Variants in FUT9 observed in about 807,000 individuals in gnomAD.
FUT9 encodes the protein fucosyltransferase 9, also known as 4-galactosyl-N-acetylglucosaminide 3-alpha-L-fucosyltransferase 9.
A neutral mutation model predicts 29.7 loss-of-function variants in FUT9; 15 were observed. The observed-to-expected ratio is 0.51, with a 90% confidence interval of 0.34 to 0.78. FUT9 has a LOEUF of 0.78. Ranked by LOEUF, FUT9 falls within the 30% of genes least tolerant of loss-of-function variation. FUT9 has a pLI of 0.01. For missense variants in FUT9, 319 were observed against 425.4 expected, an observed-to-expected ratio of 0.75 and a Z score of 2.20; for synonymous variants, 169 against 153.7, an observed-to-expected ratio of 1.10 and a Z score of -0.74.
intron 2 of FUT9, among the ~76,000 whole-genome samples, chr6:96,182,471 G>C (rs761033378): frequency 2.0e-5 from 3 of 151,884 alleles, no homozygotes; most frequent in Non-Finnish European, 4.4e-5. Context: ...TTTGCTTTTG[G>C]GTTCTCGGTC....
At chr6:96,043,040 T>G (rs1321609426) in intron 1 of FUT9, among the ~76,000 whole-genome samples, 2 of 152,198 alleles carry the variant, frequency 1.3e-5, no homozygotes, top group Non-Finnish European at 2.9e-5. Flanking sequence ...AATTTAGATT[T>G]GATCAATTCA....
At chr6:96,161,110 A>G (rs1297869197) in intron 2 of FUT9, among the ~76,000 whole-genome samples, 2 of 152,178 alleles carry the variant, frequency 1.3e-5, no homozygotes, top group African/African-American at 4.8e-5. Flanking sequence ...CAAGGAAAAG[A>G]CTTTATAGCT....
At chr6:96,194,550 G>T (rs963156710) in intron 2 of FUT9, among the ~76,000 whole-genome samples, 1 of 152,072 alleles carries the variant, frequency 6.6e-6, no homozygotes, top group Non-Finnish European at 1.5e-5. Context: ...AAATTGGCAG[G>T]AGTCGATGCT....
chr6:96,092,003 A>ATTT (rs1771418992), intron 1 of FUT9, among the ~76,000 whole-genome samples: 1 of 152,154 alleles, frequency 6.6e-6, no homozygotes. Flanking sequence ...CAACATAGAT[A>ATTT]CAAAAATGAT....
intron 1 of FUT9, among the ~76,000 whole-genome samples, chr6:96,051,069 C>T (rs1770659211): frequency 6.7e-6 from 1 of 149,984 alleles, no homozygotes; most frequent in African/African-American, 2.5e-5. Flanking sequence ...TTGGATTCTC[C>T]AATGTGAAGA....
intron 2 of FUT9, among the ~76,000 whole-genome samples, chr6:96,159,160 C>A (rs186189686): frequency 6.6e-6 from 1 of 152,048 alleles, no homozygotes; most frequent in African/African-American, 2.4e-5. Flanking sequence ...CTACAGAAAT[C>A]GTATTTTTAC....
chr6:96,091,283 T>C (rs954550916), intron 1 of FUT9, among the ~76,000 whole-genome samples: 5 of 152,092 alleles, frequency 3.3e-5, no homozygotes, highest in Non-Finnish European at 7.4e-5. Context: ...GGTTAAATAC[T>C]GAATTTGAAA....
At chr6:96,159,887 A>T (rs1772865083) in intron 2 of FUT9, among the ~76,000 whole-genome samples, 1 of 152,172 alleles carries the variant, frequency 6.6e-6, no homozygotes, top group African/African-American at 2.4e-5. Context: ...AAAGTTAACC[A>T]TGTCAACTTT....
intron 1 of FUT9, among the ~76,000 whole-genome samples, chr6:96,083,656 C>A (rs1200145408): frequency 2.0e-5 from 3 of 151,932 alleles, no homozygotes; most frequent in Non-Finnish European, 2.9e-5. Context: ...AAGTACAGTT[C>A]GTCATACTGA....
chr6:96,137,801 A>C (rs960406286), intron 2 of FUT9, among the ~76,000 whole-genome samples: 1 of 152,126 alleles, frequency 6.6e-6, no homozygotes, highest in African/African-American at 2.4e-5. Flanking sequence ...GAACCATAGT[A>C]ATATAAGAAG....
At chr6:96,084,148 CAG>C (rs1286532317) in intron 1 of FUT9, among the ~76,000 whole-genome samples, 1 of 152,100 alleles carries the variant, frequency 6.6e-6, no homozygotes, top group East Asian at 1.9e-4. Context: ...AAAATTAAAA[CAG>C]AGAGAGAGAT....
chr6:96,070,593 G>A (rs557331209), intron 1 of FUT9, among the ~76,000 whole-genome samples: 1 of 152,018 alleles, frequency 6.6e-6, no homozygotes, highest in Admixed American at 6.6e-5. Context: ...AGGCTGAAGT[G>A]GGAGGATTGC....
chr6:96,155,469 C>T (rs908475457), intron 2 of FUT9, among the ~76,000 whole-genome samples: 6 of 151,816 alleles, frequency 4.0e-5, no homozygotes, highest in Non-Finnish European at 5.9e-5. Context: ...AGCTGGAGAT[C>T]GAGACTATCC....
chr6:96,031,088 TCAG>T, intron 1 of FUT9, among the ~76,000 whole-genome samples: 1 of 151,568 alleles, frequency 6.6e-6, no homozygotes, highest in East Asian at 1.9e-4. Flanking sequence ...AAATCATATT[TCAG>T]TAAACCTGAT....
intron 2 of FUT9, among the ~76,000 whole-genome samples, chr6:96,198,080 TC>T (rs57772998): frequency 0.91 from 138,705 of 151,956 alleles, 64,651 homozygotes; most frequent in Non-Finnish European, 1. Flanking sequence ...TATCTTCCAT[TC>T]TTTAACATTC....
At chr6:96,040,716 A>G (rs1008836271) in intron 1 of FUT9, among the ~76,000 whole-genome samples, 2 of 152,100 alleles carry the variant, frequency 1.3e-5, no homozygotes, top group African/African-American at 2.4e-5. Flanking sequence ...TTTTGGAGGT[A>G]GCATTATTAG....
chr6:96,069,252 C>T (rs1038303209), intron 1 of FUT9, among the ~76,000 whole-genome samples: 2 of 151,336 alleles, frequency 1.3e-5, no homozygotes, highest in Non-Finnish European at 2.9e-5. Context: ...ACGCTGGTGG[C>T]GGAGGTTGCA....
intron 2 of FUT9, among the ~76,000 whole-genome samples, chr6:96,199,326 A>C (rs759625346): frequency 2.0e-5 from 3 of 152,114 alleles, no homozygotes; most frequent in Non-Finnish European, 4.4e-5. Flanking sequence ...CCAAGAGGCA[A>C]ACTTTTTTTG....
At chr6:96,064,800 T>C (rs987158069) in intron 1 of FUT9, among the ~76,000 whole-genome samples, 4 of 151,974 alleles carry the variant, frequency 2.6e-5, no homozygotes, top group African/African-American at 7.3e-5. Context: ...CCATTCAATT[T>C]TCTCCCCACC....
Sources: allele counts gnomAD v4.1 joint callset (sites outside exome capture counted in the v4.1 genomes callset), GRCh38; gene constraint gnomAD v4.1.1; transcripts MANE v1.5; gene names NCBI Gene and HGNC (gene_info 2026-07-23, HGNC 2026-07-21).